The following UGGT2 variants were observed in gnomAD, a reference collection of about 807,000 sequenced individuals.
UGGT2 encodes the protein UDP-glucose:glycoprotein glucosyltransferase 2.
UGGT2 carries 180 observed loss-of-function variants against 192.1 expected under a neutral mutation model. The ratio of observed to expected loss-of-function variants is 0.94; its 90% confidence interval spans 0.83 to 1.06. The LOEUF is 1.06. Among genes scored for constraint, UGGT2 ranks in the 50% least tolerant of loss-of-function variants. UGGT2 has a pLI of 0.00. For missense variants in UGGT2, 1,849 were observed against 1,795.7 expected, an observed-to-expected ratio of 1.03 and a Z score of -0.54; for synonymous variants, 580 against 591.0, an observed-to-expected ratio of 0.98 and a Z score of 0.27.
intron 4 of UGGT2, among the ~76,000 whole-genome samples, chr13:96,019,779 G>C (rs1034659886): frequency 1.3e-5 from 2 of 152,206 alleles, no homozygotes; most frequent in African/African-American, 2.4e-5. Context: ...ATTTAACCAA[G>C]GGGTCAGATT....
intron 8 of UGGT2, among the ~76,000 whole-genome samples, chr13:95,986,654 G>T (rs1268671105): frequency 6.6e-6 from 1 of 151,930 alleles, no homozygotes; most frequent in Non-Finnish European, 1.5e-5. Context: ...AATACCTCTT[G>T]TTTCCACAAA....
At chr13:96,000,614 T>A (rs2051768834) in intron 5 of UGGT2, among the ~76,000 whole-genome samples, 1 of 152,150 alleles carries the variant, frequency 6.6e-6, no homozygotes, top group Non-Finnish European at 1.5e-5. Flanking sequence ...AAAAGACCAA[T>A]CAGTTGGTGG....
In UGGT2 at chr13:95,936,922, A is replaced by T; in HGVS notation, c.1977+2T>A. 3 of 1,518,948 alleles carry T rather than the reference A, an allele frequency of 2.0e-6. No individual in the cohort carries two copies. Among genetic ancestry groups the T allele is most frequent in the Non-Finnish European group, 2.6e-6 (3 of 1,138,882 alleles). 94.1% of individuals were successfully genotyped at this position (1,518,948 alleles called of 1,614,324 possible). A position where few individuals can be genotyped will look rare whatever the true frequency, so the allele number is the denominator to read the frequency against. ...TGTATTTTCTTATAAATGCTTACCT[A>T]CCAAAAAAACTTCTCTTTGTAAATA... On this transcript the variant is annotated splice_donor_variant, in intron 17 of 38. Coordinates refer to ENST00000376747, the MANE Select transcript of UGGT2 (RefSeq NM_020121.4). LOFTEE classifies it high-confidence loss of function.
chr13:95,881,562 T>G (rs562319239), intron 27 of UGGT2, among the ~76,000 whole-genome samples: 3 of 149,800 alleles, frequency 2.0e-5, no homozygotes, highest in Non-Finnish European at 4.5e-5. Flanking sequence ...ATCAAACAAA[T>G]TCTTTCACAA....
At chr13:95,960,398 T>C (rs992393691) in intron 12 of UGGT2, among the ~76,000 whole-genome samples, 5 of 152,176 alleles carry the variant, frequency 3.3e-5, no homozygotes, top group Middle Eastern at 3.2e-3. Flanking sequence ...AGAAAATTCA[T>C]TGAATGACAT....
chr13:96,033,600 C>T (rs939996601), intron 1 of UGGT2, among the ~76,000 whole-genome samples: 1 of 152,176 alleles, frequency 6.6e-6, no homozygotes, highest in African/African-American at 2.4e-5. Flanking sequence ...CCCCCTGTCC[C>T]AACACAGACT....
At chr13:95,936,640 G>A (rs1367447811) in intron 17 of UGGT2, among the ~76,000 whole-genome samples, 1 of 152,352 alleles carries the variant, frequency 6.6e-6, no homozygotes, top group East Asian at 1.9e-4. Flanking sequence ...CAAGTTCTCT[G>A]CAGAGGGAGC....
chr13:95,967,865 T>C (rs1343171479), intron 12 of UGGT2, among the ~76,000 whole-genome samples: 2 of 152,208 alleles, frequency 1.3e-5, no homozygotes, highest in Admixed American at 6.5e-5. Flanking sequence ...TTCATAGTGG[T>C]TATTATTAGG....
chr13:96,013,874 G>C (rs969002124), intron 4 of UGGT2, among the ~76,000 whole-genome samples: 3 of 152,036 alleles, frequency 2.0e-5, no homozygotes, highest in Non-Finnish European at 2.9e-5. Flanking sequence ...CTTATTCAAA[G>C]ACTATCAGTA....
intron 38 of UGGT2, among the ~76,000 whole-genome samples, chr13:95,809,098 T>A (rs1043860872): frequency 1.3e-5 from 2 of 152,198 alleles, no homozygotes; most frequent in African/African-American, 4.8e-5. Context: ...TTTCTGGTTG[T>A]ACCCAAAAAT....
At chr13:95,892,872 C>T (rs889337404) in intron 24 of UGGT2, among the ~76,000 whole-genome samples, 4 of 152,036 alleles carry the variant, frequency 2.6e-5, no homozygotes, top group Admixed American at 2.0e-4. Flanking sequence ...TCATTATTGC[C>T]GCAGCCTGCA....
Position 95,979,787 on chromosome 13 carries a change from C to T in UGGT2, c.1092+4017G>A, listed in dbSNP as rs554827069. Among the ~76,000 whole-genome samples, 3 of 152,020 alleles carry T rather than the reference C, an allele frequency of 2.0e-5. No homozygotes were observed. In the South Asian group the frequency reaches 6.2e-4, roughly 32 times the overall value. On this transcript the variant is annotated intron_variant, in intron 10 of 38. Transcript: ENST00000376747. ...ACTAATATCCAGAATCTACACAGAACTCAAATCAGCAAGAAAAAAAAATCC... is the reference window on the plus strand; with the variant it reads ...ACTAATATCCAGAATCTACACAGAATTCAAATCAGCAAGAAAAAAAAATCC...
chr13:95,891,344 C>T (rs2047795535), intron 24 of UGGT2, among the ~76,000 whole-genome samples: 1 of 152,018 alleles, frequency 6.6e-6, no homozygotes, highest in South Asian at 2.1e-4. Context: ...ATAAAATTAA[C>T]TATTCATACT....
Position 96,013,525 on chromosome 13 carries a change from T to A in UGGT2, c.486-44A>T, listed in dbSNP as rs767306061. On this transcript the variant is annotated intron_variant, in intron 4 of 38. Transcript: ENST00000376747. ...ACAAAGTTTTGAAAAAACTGAAAGT[T>A]AATGGCATATCAATTCTGTATAATT... 3.7e-6 allele frequency: 5 copies of A among 1,346,990 alleles called. No individual in the cohort carries two copies. The Admixed American group carries it at 1.4e-4, about 37-fold the overall frequency. The allele number at this position is 1,346,990 out of a possible 1,614,324, so 83.4% of individuals were successfully genotyped here. A position where few individuals can be genotyped will look rare whatever the true frequency, so the allele number is the denominator to read the frequency against.
intron 15 of UGGT2, among the ~76,000 whole-genome samples, chr13:95,940,494 A>G (rs1395664037): frequency 7.6e-6 from 1 of 131,454 alleles, no homozygotes; most frequent in African/African-American, 2.9e-5. Flanking sequence ...CTTACCATTG[A>G]CTAGGCTGGA....
At chr13:95,905,612 T>C (rs1351934608) in intron 20 of UGGT2, among the ~76,000 whole-genome samples, 5 of 152,130 alleles carry the variant, frequency 3.3e-5, no homozygotes, top group East Asian at 1.9e-4. Context: ...GTTGTAGATA[T>C]GCGGCGTTAT....
At chr13:95,846,074 G>A (rs1386973259) in intron 36 of UGGT2, among the ~76,000 whole-genome samples, 1 of 152,136 alleles carries the variant, frequency 6.6e-6, no homozygotes, top group Admixed American at 6.5e-5. Flanking sequence ...CAAGGCAGGC[G>A]GCTGGGAGGT....
chr13:95,920,044 A>T (rs1224299679), intron 20 of UGGT2, among the ~76,000 whole-genome samples: 1 of 152,142 alleles, frequency 6.6e-6, no homozygotes, highest in Non-Finnish European at 1.5e-5. Flanking sequence ...CAGAAATAAG[A>T]TCACACACCT....
intron 1 of UGGT2, among the ~76,000 whole-genome samples, chr13:96,048,507 G>A (rs950305863): frequency 6.6e-6 from 1 of 152,004 alleles, no homozygotes; most frequent in African/African-American, 2.4e-5. Context: ...AGGAGATAGA[G>A]ACACAAGAAA....
Sources: gnomAD v4.1 joint callset for allele counts (sites outside exome capture counted in the v4.1 genomes callset) on GRCh38, gnomAD v4.1.1 for gene constraint, MANE v1.5 for transcripts, NCBI Gene and HGNC (gene_info 2026-07-23, HGNC 2026-07-21) for gene names.